CTNNA3: variants seen among roughly 807,000 people sequenced by gnomAD.
CTNNA3 encodes catenin alpha-3.
Under a neutral mutation model 95.7 loss-of-function variants are expected in CTNNA3, and 76 were observed. That is an observed-to-expected ratio of 0.79 (90% CI 0.66 to 0.96). CTNNA3 has a LOEUF of 0.96. Among genes scored for constraint, CTNNA3 ranks in the 40% least tolerant of loss-of-function variants. CTNNA3 has a pLI of 0.00. For missense variants in CTNNA3, 1,191 were observed against 1,089.8 expected, an observed-to-expected ratio of 1.09 and a Z score of -1.31; for synonymous variants, 431 against 374.4, an observed-to-expected ratio of 1.15 and a Z score of -1.74.
intron 5 of CTNNA3, among the ~76,000 whole-genome samples, chr10:67,235,870 C>G (rs1323093942): frequency 7.1e-6 from 1 of 141,550 alleles, no homozygotes; most frequent in East Asian, 2.1e-4. Context: ...AGACTCTTCT[C>G]AAAAGAAGAC....
At chr10:67,060,966 G>C (rs1855726800) in intron 7 of CTNNA3, among the ~76,000 whole-genome samples, 1 of 152,068 alleles carries the variant, frequency 6.6e-6, no homozygotes, top group Non-Finnish European at 1.5e-5. Context: ...TGAAGAAAAA[G>C]GCATCCAGAA....
chr10:66,965,825 T>C (rs1229737092), intron 7 of CTNNA3, among the ~76,000 whole-genome samples: 1 of 152,160 alleles, frequency 6.6e-6, no homozygotes, highest in African/African-American at 2.4e-5. Flanking sequence ...AGATTTTTTT[T>C]CTATGTTAAG....
intron 5 of CTNNA3, among the ~76,000 whole-genome samples, chr10:67,451,490 C>T (rs1036646155): frequency 6.6e-5 from 10 of 151,774 alleles, no homozygotes; most frequent in African/African-American, 2.4e-4. Flanking sequence ...AACAGAAACA[C>T]TAAAATCCCA....
intron 10 of CTNNA3, among the ~76,000 whole-genome samples, chr10:66,578,915 A>C (rs1230885519): frequency 6.6e-6 from 1 of 150,548 alleles, no homozygotes. Flanking sequence ...GATTAGTACT[A>C]GCTGTTTTTT....
chr10:67,203,884 A>G (rs1002324818), intron 6 of CTNNA3, among the ~76,000 whole-genome samples: 24 of 152,262 alleles, frequency 1.6e-4, no homozygotes, highest in African/African-American at 5.8e-4. Flanking sequence ...ATACGGTATT[A>G]ATGAGCTTGG....
At chr10:66,523,189 T>C (rs1406580429) in intron 10 of CTNNA3, among the ~76,000 whole-genome samples, 1 of 152,196 alleles carries the variant, frequency 6.6e-6, no homozygotes, top group East Asian at 1.9e-4. Flanking sequence ...TGGTGTTTCA[T>C]TGTTCTTGCA....
intron 7 of CTNNA3, among the ~76,000 whole-genome samples, chr10:66,852,110 T>C (rs867181521): frequency 6.6e-6 from 1 of 152,186 alleles, no homozygotes. Context: ...ATTTACATTT[T>C]GAATGGTTCA....
At chr10:67,529,592 T>A (rs1040505969) in intron 4 of CTNNA3, among the ~76,000 whole-genome samples, 3 of 151,300 alleles carry the variant, frequency 2.0e-5, no homozygotes, top group Non-Finnish European at 4.4e-5. Flanking sequence ...TGTATACATA[T>A]GTAACTAACC....
chr10:66,604,460 T>C (rs1224001444), intron 10 of CTNNA3, among the ~76,000 whole-genome samples: 1 of 152,104 alleles, frequency 6.6e-6, no homozygotes, highest in Admixed American at 6.5e-5. Flanking sequence ...CACCCTGCCA[T>C]GCTGTGGCTG....
intron 7 of CTNNA3, among the ~76,000 whole-genome samples, chr10:67,077,366 T>TA (rs1336602360): frequency 1.3e-5 from 2 of 152,168 alleles, no homozygotes; most frequent in African/African-American, 4.8e-5. Flanking sequence ...TAAAAATTTA[T>TA]AAAATGGTCC....
At chr10:67,700,339 C>G (rs1341713111), upstream of CTNNA3, among the ~76,000 whole-genome samples, 1 of 152,094 alleles carries the variant, frequency 6.6e-6, no homozygotes, top group African/African-American at 2.4e-5. Flanking sequence ...GGTCCCTGAC[C>G]CCTTGACCCC....
intron 7 of CTNNA3, among the ~76,000 whole-genome samples, chr10:67,057,664 C>G (rs951589463): frequency 2.0e-5 from 3 of 152,168 alleles, no homozygotes; most frequent in African/African-American, 7.2e-5. Context: ...GAAGCACCCT[C>G]AGGAAAGTTG....
intron 7 of CTNNA3, among the ~76,000 whole-genome samples, chr10:67,124,538 G>GAACTGAT (rs1859624321): frequency 6.6e-6 from 1 of 152,104 alleles, no homozygotes; most frequent in African/African-American, 2.4e-5. Context: ...CCTATTACCA[G>GAACTGAT]AACTGATTCA....
chr10:66,509,250 G>A (rs1840572263), intron 11 of CTNNA3, among the ~76,000 whole-genome samples: 1 of 151,978 alleles, frequency 6.6e-6, no homozygotes, highest in Non-Finnish European at 1.5e-5. Flanking sequence ...TTTCTGTGCT[G>A]TTGTTTGAGT....
intron 9 of CTNNA3, among the ~76,000 whole-genome samples, chr10:66,637,436 G>T (rs1845374179): frequency 6.6e-6 from 1 of 152,228 alleles, no homozygotes; most frequent in African/African-American, 2.4e-5. Context: ...TTGCTCAAAG[G>T]CTCTGAGTCT....
chr10:66,818,257 T>C (rs1842165573), intron 7 of CTNNA3, among the ~76,000 whole-genome samples: 3 of 152,108 alleles, frequency 2.0e-5, no homozygotes, highest in African/African-American at 7.2e-5. Context: ...CACTTTGACT[T>C]AACATTGTGC....
intron 5 of CTNNA3, among the ~76,000 whole-genome samples, chr10:67,225,043 GGAGT>G (rs1864834124): frequency 6.6e-6 from 1 of 152,152 alleles, no homozygotes; most frequent in South Asian, 2.1e-4. Flanking sequence ...GGGCACGGTG[GGAGT>G]GAGACCAGCC....
chr10:67,684,304 G>A (rs984980716), intron 1 of CTNNA3, among the ~76,000 whole-genome samples: 2 of 152,096 alleles, frequency 1.3e-5, no homozygotes, highest in African/African-American at 4.8e-5. Flanking sequence ...GTGCTGATTG[G>A]TGCATTTTTG....
chr10:65,954,058 AC>A (rs2077679570), intron 17 of CTNNA3, among the ~76,000 whole-genome samples: 1 of 152,204 alleles, frequency 6.6e-6, no homozygotes, highest in Admixed American at 6.5e-5. Context: ...TTGTTTCCTG[AC>A]TTTTTAATGA....
Sources: gnomAD v4.1 joint callset for allele counts (sites outside exome capture counted in the v4.1 genomes callset) on GRCh38, gnomAD v4.1.1 for gene constraint, MANE v1.5 for transcripts, NCBI Gene and HGNC (gene_info 2026-07-23, HGNC 2026-07-21) for gene names.